Variants in SCAP observed in about 807,000 individuals in gnomAD.
The protein encoded by SCAP is sterol regulatory element-binding protein cleavage-activating protein.
SCAP carries 65 observed loss-of-function variants against 123.6 expected under a neutral mutation model. That is an observed-to-expected ratio of 0.53 (90% CI 0.43 to 0.65). The LOEUF (loss-of-function observed/expected upper bound fraction) is 0.65, where lower values mean the gene tolerates loss of function less well. SCAP is among the 30% of genes least tolerant of loss of function. The pLI is 0.00. For synonymous variants in SCAP, 740 were observed against 726.3 expected, an observed-to-expected ratio of 1.02 and a Z score of -0.30; for missense variants, 1,398 against 1,712.5, an observed-to-expected ratio of 0.82 and a Z score of 3.24.
intron 7 of SCAP, 123 bp from the exon 8 acceptor site, chr3:47,425,734 G>C: frequency 9.0e-7 from 1 of 1,114,806 alleles, no homozygotes; most frequent in South Asian, 1.5e-5. Context: ...CCAAAGGAAA[G>C]GGACAGGCAC....
At chr3:47,464,837 C>T (rs551930511) in intron 1 of SCAP, among the ~76,000 whole-genome samples, 6 of 152,222 alleles carry the variant, frequency 3.9e-5, no homozygotes, top group South Asian at 2.1e-4. Flanking sequence ...AAATTATTTC[C>T]GTTCCTAGAT....
At chr3:47,416,657 C>T (rs1317411597) in intron 18 of SCAP, among the ~76,000 whole-genome samples, 4 of 127,022 alleles carry the variant, frequency 3.1e-5, no homozygotes, top group South Asian at 2.7e-4. Context: ...GACGGAGTCT[C>T]GCTCTGTCGC....
intron 8 of SCAP, chr3:47,425,184 C>T: frequency 3.2e-6 from 1 of 314,408 alleles, no homozygotes; most frequent in Non-Finnish European, 5.9e-6. Flanking sequence ...TACACACATG[C>T]AATACATACT....
At position 47,418,204 on chromosome 3, in the gene SCAP, A is replaced by T; in HGVS notation, c.2377T>A (p.Cys793Ser). 1 of 1,575,624 alleles carries T rather than the reference A, an allele frequency of 6.3e-7. No individual in the cohort carries two copies. The highest frequency in any genetic ancestry group is 8.6e-7 in the Non-Finnish European group (1 of 1,161,292). The change falls in exon 16 of 23, where the codon TGC (cysteine) becomes AGC (serine). Residue 793 changes from cysteine (C) to serine (S), a missense_variant. Around this residue, in one of 7 missense-constraint regions of SCAP, gnomAD observed 828 missense variants for 882.5 expected, o/e 0.94. Coordinates refer to ENST00000265565, the MANE Select transcript of SCAP (RefSeq NM_012235.4). ...ASDGMLLVSC[C>S]LAGHVCVWDA... ...CACACGCAGACGTGGCCTGCCAGGC[A>T]GCAGCTCACCAGCAGCATGCCGTCG...
Position 47,426,009 on chromosome 3 carries a change from A to G in SCAP, c.898T>C (p.Tyr300His). 1 of 1,614,182 alleles carries G rather than the reference A, an allele frequency of 6.2e-7. No individual in the cohort carries two copies. The highest frequency in any genetic ancestry group is 8.5e-7 in the Non-Finnish European group (1 of 1,180,020). Residue 300 changes from tyrosine to histidine, a missense_variant, in exon 7 of 23, where the codon TAC becomes CAC. This residue lies in a region of SCAP where 319 missense variants were observed against 432.4 expected (regional missense o/e 0.74). Coordinates refer to ENST00000265565, the MANE Select transcript of SCAP (RefSeq NM_012235.4). ...TTYIILFAYIYFSTRKIDMVK... is the reference protein window; with the variant it reads ...TTYIILFAYIHFSTRKIDMVK... ...GCCATGAACCTACGCGTGGAGAAGT[A>G]GATGTAGGCAAACAAGATGATGTAG...
chr3:47,417,592 C>A lies in SCAP; in HGVS notation c.2682G>T (p.Glu894Asp). 1 of 1,597,946 alleles carries A rather than the reference C, an allele frequency of 6.3e-7. No individual in the cohort carries two copies. The highest frequency in any genetic ancestry group is 8.5e-7 in the Non-Finnish European group (1 of 1,173,812). The change falls in exon 17 of 23, where the codon GAG (glutamate) becomes GAT (aspartate). Residue 894 changes from glutamate to aspartate, a missense_variant. Physicochemically the swap from Glu to Asp is conservative, Grantham distance 45 (BLOSUM62 2). Transcript: ENST00000265565. ...QPRSSQPTQP[E>D]PRHRAVCGRS... ...GGCCACAGACCGCCCGGTGCCGGGG[C>A]TCGGGCTGAGTGGGCTGTGAGGACC...
At chr3:47,421,203 C>A in intron 10 of SCAP, 174 bp from the exon 11 acceptor site, 1 of 631,986 alleles carries the variant, frequency 1.6e-6, no homozygotes. Flanking sequence ...AGCAGCTCAC[C>A]CCGTCTCCAC....
intron 1 of SCAP, among the ~76,000 whole-genome samples, chr3:47,446,530 AT>A (rs1003004705): frequency 6.6e-6 from 1 of 150,754 alleles, no homozygotes; most frequent in Non-Finnish European, 1.5e-5. Flanking sequence ...GGGTTTTTGT[AT>A]TTTTTTTCTT....
intron 7 of SCAP, 99 bp downstream of exon 7, chr3:47,425,898 C>T: frequency 7.3e-7 from 1 of 1,366,398 alleles, no homozygotes. Context: ...TGTGTTCTAT[C>T]TCTCTACCCC....
At position 47,418,144 on chromosome 3, in the gene SCAP, G is replaced by C; in HGVS notation, c.2437C>G (p.Pro813Ala). Reference sequence around the variant, plus strand: ...GGCAGCCGCACCTACCCTGGGCGCGGAATGCGCGTTAGGCAATCCCCGGTC... The same window carrying C: ...GGCAGCCGCACCTACCCTGGGCGCGCAATGCGCGTTAGGCAATCCCCGGTC... ...AQTGDCLTRI[P>A]RPGRQRRDSG... The change falls in exon 16 of 23, where the codon CCG becomes GCG. Residue 813 changes from proline to alanine, a missense_variant. This residue lies in a region of SCAP where 828 missense variants were observed against 882.5 expected (regional missense o/e 0.94). Transcript: ENST00000265565. The C allele has an allele frequency of 6.4e-7, 1 of 1,562,022 alleles. No homozygotes were observed. The highest frequency in any genetic ancestry group is 8.7e-7 in the Non-Finnish European group (1 of 1,153,854).
intron 3 of SCAP, among the ~76,000 whole-genome samples, chr3:47,432,676 A>G (rs1706415005): frequency 1.3e-5 from 2 of 152,034 alleles, no homozygotes; most frequent in African/African-American, 4.8e-5. Context: ...TTTAAAATTT[A>G]TTTATTTTTT....
intron 1 of SCAP, among the ~76,000 whole-genome samples, chr3:47,461,328 G>T (rs888825484): frequency 1.3e-5 from 2 of 152,184 alleles, no homozygotes; most frequent in African/African-American, 2.4e-5. Flanking sequence ...AAATTGTAAG[G>T]CCTGCTGTAA....
rs1705645395 is a variant in SCAP at position 47,417,523 on chromosome 3, C to T, written c.2751G>A (p.Gln917=). The change falls in exon 17 of 23, where the codon CAG becomes CAA. Residue 917 remains glutamine, a synonymous_variant. Coordinates refer to ENST00000265565, the MANE Select transcript of SCAP (RefSeq NM_012235.4). ...CCAGCCCCTCCTCCTGGTACACCCG[C>T]TGCACCAGGCAGCTGAAGTCATAGC... The part of the protein sequence containing the change: ...SPGYDFSCLV[Q]RVYQEEGLAA... 6.4e-7 allele frequency: 1 copy of T among 1,562,038 alleles called. No homozygotes were observed. The highest frequency in any genetic ancestry group is 8.7e-7 in the Non-Finnish European group (1 of 1,153,724).
intron 1 of SCAP, among the ~76,000 whole-genome samples, chr3:47,447,958 T>G (rs925313870): frequency 3.4e-5 from 4 of 118,504 alleles, no homozygotes; most frequent in Non-Finnish European, 6.3e-5. Context: ...TAAGCTGAGA[T>G]AGTGCCACTG....
chr3:47,431,635 T>G (rs1706362409), intron 3 of SCAP, among the ~76,000 whole-genome samples: 1 of 152,174 alleles, frequency 6.6e-6, no homozygotes, highest in Non-Finnish European at 1.5e-5. Context: ...GATGTTTTAC[T>G]TCTAATTATA....
At chr3:47,450,511 G>GTTTT (rs572545256) in intron 1 of SCAP, among the ~76,000 whole-genome samples, 1 of 105,406 alleles carries the variant, frequency 9.5e-6, no homozygotes, top group Non-Finnish European at 2.0e-5. Context: ...TATATGCAGG[G>GTTTT]TTTTTTTTTT....
chr3:47,448,886 T>C (rs1289004046), intron 1 of SCAP, among the ~76,000 whole-genome samples: 1 of 152,224 alleles, frequency 6.6e-6, no homozygotes, highest in Non-Finnish European at 1.5e-5. Context: ...TGATTTTTCA[T>C]AGCTGAAGTA....
chr3:47,454,717 C>CA (rs1252271949), intron 1 of SCAP, among the ~76,000 whole-genome samples: 2 of 151,960 alleles, frequency 1.3e-5, no homozygotes, highest in Non-Finnish European at 2.9e-5. Context: ...CACTGCACTC[C>CA]AGCCCAGATG....
intron 19 of SCAP, 32 bp from the exon 20 acceptor site, chr3:47,415,025 G>A: frequency 3.2e-6 from 5 of 1,580,092 alleles, no homozygotes; most frequent in Non-Finnish European, 4.3e-6. Flanking sequence ...AAGAATCTCT[G>A]AGAAAGCAAT....
Sources: gnomAD v4.1 joint callset for allele counts (sites outside exome capture counted in the v4.1 genomes callset) on GRCh38, gnomAD v4.1.1 for gene constraint, gnomAD v4.1.1 regional missense constraint, MANE v1.5 for transcripts, NCBI Gene and HGNC (gene_info 2026-07-23, HGNC 2026-07-21) for gene names.